LARP4B: variants seen among roughly 807,000 people sequenced by gnomAD.
The protein encoded by LARP4B is La ribonucleoprotein 4B.
In LARP4B, 12 loss-of-function variants were observed where a neutral mutation model predicts 89.8. The ratio of observed to expected loss-of-function variants is 0.13; its 90% CI spans 0.09 to 0.22. The LOEUF (loss-of-function observed/expected upper bound fraction) is 0.22. LARP4B is among the 10% of genes least tolerant of loss of function. The pLI, the probability that LARP4B is intolerant of heterozygous loss-of-function variation, is 1.00. For synonymous variants in LARP4B, 367 were observed against 363.3 expected (o/e 1.01, Z -0.12); for missense variants, 757 against 947.7 (o/e 0.80, Z 2.64).
At chr10:842,792 G>A (rs1201860731) in intron 7 of LARP4B, 140 bp downstream of exon 7, 11 of 722,158 alleles carry the variant, frequency 1.5e-5, no homozygotes, top group Non-Finnish European at 2.0e-5. Flanking sequence ...GACCTGGGCA[G>A]AAAGGAACGG....
intron 1 of LARP4B, among the ~76,000 whole-genome samples, chr10:908,683 G>C (rs751195276): frequency 1.3e-5 from 2 of 152,252 alleles, no homozygotes; most frequent in African/African-American, 4.8e-5. Flanking sequence ...ATTCTTCTGG[G>C]TTGATTGTTG....
chr10:948,269 A>C, the LARP4B span, among the ~76,000 whole-genome samples: 1 of 152,236 alleles, frequency 6.6e-6, no homozygotes, highest in Non-Finnish European at 1.5e-5. Flanking sequence ...AAGGAATAAT[A>C]CAGAGAGGTC....
chr10:855,823 G>GC (rs1023415467), intron 5 of LARP4B, among the ~76,000 whole-genome samples: 1 of 152,208 alleles, frequency 6.6e-6, no homozygotes, highest in African/African-American at 2.4e-5. Context: ...GCACAATGAA[G>GC]CAAGCTCTGC....
chr10:842,364 A>T (rs1187671741), intron 7 of LARP4B, among the ~76,000 whole-genome samples: 1 of 151,882 alleles, frequency 6.6e-6, no homozygotes, highest in Non-Finnish European at 1.5e-5. Context: ...CGCCCAGCTA[A>T]TTTTTTGTAT....
chr10:850,338 T>C (rs1833977465), intron 5 of LARP4B, among the ~76,000 whole-genome samples: 1 of 152,268 alleles, frequency 6.6e-6, no homozygotes, highest in Non-Finnish European at 1.5e-5. Flanking sequence ...GGATATAAGA[T>C]ATACCATATT....
chr10:863,856 T>G lies in LARP4B; in HGVS notation c.317A>C (p.Gln106Pro), dbSNP rs1272876892. 6.2e-7 allele frequency: 1 copy of G among 1,613,790 alleles called. No homozygotes were observed. Among genetic ancestry groups the G allele is most frequent in the East Asian group, 2.2e-5 (1 of 44,886 alleles). Residue 106 changes from glutamine to proline, a missense_variant, in exon 5 of 18, where the codon CAG becomes CCG. Around this residue, in one of 5 missense-constraint regions of LARP4B, gnomAD observed 175 missense variants for 187.0 expected, o/e 0.94. Coordinates refer to ENST00000316157, the MANE Select transcript of LARP4B (RefSeq NM_015155.3). ...QGSDANGDGD[Q>P]GHENAALPDP... Reference sequence around the variant, plus strand: ...TGGCAATGCGGCATTCTCATGGCCCTGGTCACCATCACCATTGGCATCCGA... The same window carrying G: ...TGGCAATGCGGCATTCTCATGGCCCGGGTCACCATCACCATTGGCATCCGA...
rs1476896526 is a variant in LARP4B at position 820,847 on chromosome 10, TAG to T, written c.1485-4_1485-3del. On this transcript the variant is annotated splice_polypyrimidine_tract_variant and splice_region_variant and intron_variant, in intron 13 of 17. Transcript: ENST00000316157. ...TTCCGGTAGCCAAAGGAATTCTTCC[TAG>T]AGGAGTGGAAAGTGAAAGACTGTTA... 4 of 1,613,494 alleles carry T rather than the reference TAG, an allele frequency of 2.5e-6. No individual in the cohort carries two copies. The highest frequency in any genetic ancestry group is 3.4e-6 in the Non-Finnish European group (4 of 1,179,742).
the LARP4B span, among the ~76,000 whole-genome samples, chr10:939,230 G>A: frequency 2.0e-5 from 3 of 152,318 alleles, no homozygotes; most frequent in South Asian, 2.1e-4. Flanking sequence ...AAGGAGTCCC[G>A]CTCAGGCGAG....
rs137982940 is a variant in LARP4B at position 866,990 on chromosome 10, G to A, written c.142-2720C>T. On this transcript the variant is annotated intron_variant, in intron 3 of 17. Coordinates refer to ENST00000316157, the MANE Select transcript of LARP4B (RefSeq NM_015155.3). Reference sequence around the variant, plus strand: ...ACAGTCCTGAATTCAGTAGGGAGGTGCTCAAGATATATGAGGAATGAATCA... The same window carrying A: ...ACAGTCCTGAATTCAGTAGGGAGGTACTCAAGATATATGAGGAATGAATCA... Among the ~76,000 whole-genome samples the A allele has an allele frequency of 5.8e-3, 884 of 152,274 alleles. 6 individuals carry two copies. The highest frequency in any genetic ancestry group is 0.02 in the African/African-American group (825 of 41,554).
At chr10:988,277 G>A in the LARP4B span, 2 of 583,224 alleles carry the variant, frequency 3.4e-6, no homozygotes, top group South Asian at 2.0e-5. Context: ...TCGCTCCTGA[G>A]GCCCTCACAC....
chr10:823,951 T>C (rs1278089980), intron 13 of LARP4B, among the ~76,000 whole-genome samples: 1 of 152,180 alleles, frequency 6.6e-6, no homozygotes, highest in Non-Finnish European at 1.5e-5. Context: ...GGAACTCCTA[T>C]GTGCTCATTG....
At chr10:899,173 C>T (rs1836266360) in intron 1 of LARP4B, among the ~76,000 whole-genome samples, 1 of 152,068 alleles carries the variant, frequency 6.6e-6, no homozygotes, top group Non-Finnish European at 1.5e-5. Flanking sequence ...TGATTCAATG[C>T]CAGACTAAAA....
intron 1 of LARP4B, among the ~76,000 whole-genome samples, chr10:930,575 C>A (rs924475955): frequency 6.6e-6 from 1 of 152,170 alleles, no homozygotes; most frequent in Non-Finnish European, 1.5e-5. Context: ...CGCACAACGG[C>A]ACTGAAACGG....
At chr10:943,404 G>T in the LARP4B span, among the ~76,000 whole-genome samples, 5 of 152,020 alleles carry the variant, frequency 3.3e-5, no homozygotes, top group Admixed American at 2.0e-4. Flanking sequence ...GCAGGAGGAT[G>T]ACCTGGGGCC....
chr10:850,983 AT>A (rs1166235726), intron 5 of LARP4B, among the ~76,000 whole-genome samples: 2 of 152,140 alleles, frequency 1.3e-5, no homozygotes, highest in African/African-American at 4.8e-5. Flanking sequence ...TATGGGGAAA[AT>A]AGTAAAACTA....
chr10:909,289 G>A lies in LARP4B; in HGVS notation c.-40+22139C>T, dbSNP rs867158141. Among the ~76,000 whole-genome samples, 241 of 106,680 alleles carry A rather than the reference G, an allele frequency of 2.3e-3. 2 individuals are homozygous for A. Among genetic ancestry groups the A allele is most frequent in the African/African-American group, 5.5e-3 (153 of 27,718 alleles). The allele number at this position is 106,680 out of a possible 152,430, so 70.0% of individuals were successfully genotyped here. A position where few individuals can be genotyped will look rare whatever the true frequency, so the allele number is the denominator to read the frequency against. Reference sequence around the variant, plus strand: ...AGCCTGGGCGACAGAGCACGACTCCGTCTCAAAAAAAAAAAAAAAAAAAGG... The same window carrying A: ...AGCCTGGGCGACAGAGCACGACTCCATCTCAAAAAAAAAAAAAAAAAAAGG... On this transcript the variant is annotated intron_variant, in intron 1 of 17. Transcript: ENST00000316157.
chr10:930,931 C>T (rs1830570781), intron 1 of LARP4B, among the ~76,000 whole-genome samples: 1 of 150,720 alleles, frequency 6.6e-6, no homozygotes, highest in African/African-American at 2.4e-5. Flanking sequence ...GTGCCGGCGC[C>T]CGCCCGGCCT....
chr10:897,986 T>TAAAA (rs1836236644), intron 1 of LARP4B, among the ~76,000 whole-genome samples: 1 of 39,330 alleles, frequency 2.5e-5, no homozygotes, highest in Non-Finnish European at 4.7e-5. Context: ...AGGCTCCATC[T>TAAAA]CAAAAAAAAA....
At chr10:901,064 C>G (rs373992501) in intron 1 of LARP4B, among the ~76,000 whole-genome samples, 1 of 151,280 alleles carries the variant, frequency 6.6e-6, no homozygotes, top group East Asian at 1.9e-4. Context: ...GGATTACAGG[C>G]ACCTGCCACC....
Sources: allele counts gnomAD v4.1 joint callset (sites outside exome capture counted in the v4.1 genomes callset), GRCh38; gene constraint gnomAD v4.1.1; regional missense constraint gnomAD v4.1.1; transcripts MANE v1.5; gene names NCBI Gene and HGNC (gene_info 2026-07-23, HGNC 2026-07-21).